The following MAP2K5 variants were observed in gnomAD, a reference collection of about 807,000 sequenced individuals.
MAP2K5 encodes dual specificity mitogen-activated protein kinase kinase 5.
In MAP2K5, 49 loss-of-function variants were observed where a neutral mutation model predicts 83.1. That is an observed-to-expected ratio of 0.59 (90% confidence interval 0.47 to 0.75). MAP2K5 has a LOEUF of 0.75. Among genes scored for constraint, MAP2K5 ranks in the 30% least tolerant of loss-of-function variants. MAP2K5 has a pLI of 0.00. For synonymous variants in MAP2K5, 202 were observed against 191.8 expected (o/e 1.05, Z -0.44); for missense variants, 457 against 557.5 (o/e 0.82, Z 1.82).
chr15:67,625,848 C>T (rs1480066901), intron 8 of MAP2K5, among the ~76,000 whole-genome samples: 1 of 152,164 alleles, frequency 6.6e-6, no homozygotes, highest in Non-Finnish European at 1.5e-5. Context: ...TTTTAATTCA[C>T]TTGGAAATAG....
chr15:67,745,976 T>C (rs1263590759), intron 17 of MAP2K5, among the ~76,000 whole-genome samples: 1 of 152,224 alleles, frequency 6.6e-6, no homozygotes, highest in Non-Finnish European at 1.5e-5. Flanking sequence ...TAAAACCTGA[T>C]AACGTCTCTC....
chr15:67,635,165 C>G (rs1345416172), intron 9 of MAP2K5, among the ~76,000 whole-genome samples: 1 of 149,296 alleles, frequency 6.7e-6, no homozygotes, highest in African/African-American at 2.5e-5. Context: ...TGCATTGTCA[C>G]TACTTTTGCT....
intron 21 of MAP2K5, among the ~76,000 whole-genome samples, chr15:67,797,652 G>A (rs547306962): frequency 6.6e-6 from 1 of 151,676 alleles, no homozygotes; most frequent in Admixed American, 6.6e-5. Context: ...GAAATCACTG[G>A]TTTTTTTTAA....
At chr15:67,601,208 T>C (rs1318064226) in intron 8 of MAP2K5, among the ~76,000 whole-genome samples, 1 of 152,288 alleles carries the variant, frequency 6.6e-6, no homozygotes, top group African/African-American at 2.4e-5. Flanking sequence ...TTTTCTTCTC[T>C]CCTCACCCTA....
rs186095117 is a variant in MAP2K5 at position 67,698,156 on chromosome 15, G to A, written c.972+4588G>A. Among the ~76,000 whole-genome samples the A allele has an allele frequency of 1.7e-3, 251 of 152,110 alleles. 1 individual carries two copies. Among genetic ancestry groups the A allele is most frequent in the Admixed American group, 4.1e-3 (63 of 15,276 alleles). ...ATTATAAAAGGGGTCTGGAAACTTG[G>A]AGCTTATATTAAATTAACCATTTTT... On this transcript the variant is annotated intron_variant, in intron 15 of 21. Coordinates refer to ENST00000178640, the MANE Select transcript of MAP2K5 (RefSeq NM_145160.3). This position sits in a 1 kb window ranked among gnomAD's most constrained non-coding sequence, Gnocchi z 4.5.
At chr15:67,643,176 A>T (rs2086752109) in intron 9 of MAP2K5, among the ~76,000 whole-genome samples, 1 of 152,200 alleles carries the variant, frequency 6.6e-6, no homozygotes, top group African/African-American at 2.4e-5. Flanking sequence ...AAGGTTAATA[A>T]TAACTTCATT....
At chr15:67,558,378 C>T (rs1377307140) in intron 2 of MAP2K5, among the ~76,000 whole-genome samples, 1 of 152,244 alleles carries the variant, frequency 6.6e-6, no homozygotes, top group Non-Finnish European at 1.5e-5. Context: ...AAAACCTCAG[C>T]TTGGTTTAGG....
chr15:67,693,507 T>G lies in MAP2K5; in HGVS notation c.922-11T>G, dbSNP rs2088167495. ...CTTTATATTGTTCTAACAGACTGTT[T>G]TGTCTCATAGCTGGTGAATTCTATA... On this transcript the variant is annotated splice_polypyrimidine_tract_variant and intron_variant, in intron 14 of 21. Transcript: ENST00000178640. The G allele has an allele frequency of 6.2e-7, 1 of 1,606,730 alleles. No homozygotes were observed. Among genetic ancestry groups the G allele is most frequent in the African/African-American group, 1.3e-5 (1 of 74,750 alleles).
At chr15:67,705,537 C>T (rs983455490) in intron 16 of MAP2K5, among the ~76,000 whole-genome samples, 1 of 152,110 alleles carries the variant, frequency 6.6e-6, no homozygotes, top group African/African-American at 2.4e-5. Context: ...GAGTTCGAGA[C>T]AAGCCTGACC....
Position 67,698,399 on chromosome 15 carries a change from A to T in MAP2K5, c.972+4831A>T, listed in dbSNP as rs1045242663. ...GATGGGGGGTTGCGCCATGTTGGCC[A>T]TGCTGGTCTCGAACTCCTGGCCTCA... On this transcript the variant is annotated intron_variant, in intron 15 of 21. Coordinates refer to ENST00000178640, the MANE Select transcript of MAP2K5 (RefSeq NM_145160.3). This position sits in a 1 kb window ranked among gnomAD's most constrained non-coding sequence, Gnocchi z 4.5. Among the ~76,000 whole-genome samples, 16 of 152,086 alleles carry T rather than the reference A, an allele frequency of 1.1e-4. No homozygotes were observed. The highest frequency in any genetic ancestry group is 3.9e-4 in the African/African-American group (16 of 41,406).
At position 67,562,377 on chromosome 15, in the gene MAP2K5, T is replaced by G. The variant is rs2084754352; in HGVS notation, c.185-906T>G. ...TTGGGTTAAAAATGAGATTTAATAT[T>G]CTCACATAGTCTATCTTCAGGTTTT... On this transcript the variant is annotated intron_variant, in intron 2 of 21. Transcript: ENST00000178640. The surrounding 1 kb of genome is among the most constrained non-coding windows in gnomAD (Gnocchi z 4.1). Among the ~76,000 whole-genome samples the G allele has an allele frequency of 6.6e-6, 1 of 152,212 alleles. No homozygotes were observed. Among genetic ancestry groups the G allele is most frequent in the Admixed American group, 6.5e-5 (1 of 15,278 alleles).
chr15:67,647,080 A>G (rs1404193298), intron 11 of MAP2K5, among the ~76,000 whole-genome samples: 1 of 152,190 alleles, frequency 6.6e-6, no homozygotes, highest in South Asian at 2.1e-4. Flanking sequence ...ATTATTTACC[A>G]ATTTTAAATC....
At chr15:67,701,898 G>T (rs1005823994) in intron 15 of MAP2K5, among the ~76,000 whole-genome samples, 3 of 152,164 alleles carry the variant, frequency 2.0e-5, no homozygotes, top group African/African-American at 7.2e-5. Context: ...CTCTAATTTT[G>T]CAGTCAGACA....
chr15:67,739,323 T>C (rs1015663862), intron 17 of MAP2K5, among the ~76,000 whole-genome samples: 3 of 148,946 alleles, frequency 2.0e-5, no homozygotes, highest in African/African-American at 7.4e-5. Context: ...CTTTATCCAG[T>C]TCATTCTTGA....
At chr15:67,772,260 T>C (rs2090156248) in intron 20 of MAP2K5, among the ~76,000 whole-genome samples, 2 of 152,190 alleles carry the variant, frequency 1.3e-5, no homozygotes. Context: ...ATGAGATGTA[T>C]TCTCATTTGA....
intron 13 of MAP2K5, among the ~76,000 whole-genome samples, chr15:67,684,166 G>A (rs1241559174): frequency 5.9e-5 from 9 of 152,216 alleles, no homozygotes; most frequent in African/African-American, 2.2e-4. Context: ...CATTTATAGA[G>A]TGAAATCCTA....
At chr15:67,631,433 C>T (rs1208706656) in intron 9 of MAP2K5, among the ~76,000 whole-genome samples, 1 of 152,130 alleles carries the variant, frequency 6.6e-6, no homozygotes, top group African/African-American at 2.4e-5. Flanking sequence ...TTTTCTTTTC[C>T]TATGCACCTT....
At chr15:67,566,752 A>G (rs1227235463) in intron 3 of MAP2K5, among the ~76,000 whole-genome samples, 1 of 152,212 alleles carries the variant, frequency 6.6e-6, no homozygotes, top group Admixed American at 6.5e-5. Flanking sequence ...ACAAGTGTAC[A>G]TTTTTATTAG....
intron 6 of MAP2K5, among the ~76,000 whole-genome samples, chr15:67,591,131 G>C (rs1046258507): frequency 6.6e-6 from 1 of 152,000 alleles, no homozygotes; most frequent in Non-Finnish European, 1.5e-5. Flanking sequence ...CAGATCACGA[G>C]GTCAGGAGTT....
Sources: gnomAD v4.1 joint callset for allele counts (sites outside exome capture counted in the v4.1 genomes callset) on GRCh38, gnomAD v4.1.1 for gene constraint, Gnocchi (gnomAD v3.1) non-coding constraint, MANE v1.5 for transcripts, NCBI Gene and HGNC (gene_info 2026-07-23, HGNC 2026-07-21) for gene names.